GNB5: variants seen among roughly 807,000 people sequenced by gnomAD.
GNB5 encodes guanine nucleotide-binding protein subunit beta-5.
GNB5 carries 37 observed loss-of-function variants against 55.3 expected under a neutral mutation model. The ratio of observed to expected loss-of-function variants is 0.67; its 90% CI spans 0.51 to 0.88. The LOEUF (loss-of-function observed/expected upper bound fraction) is 0.88, where lower values mean the gene tolerates loss of function less well. Ranked by LOEUF, GNB5 falls within the 40% of genes least tolerant of loss-of-function variation. GNB5 has a pLI of 0.00. For missense variants in GNB5, 476 were observed against 515.3 expected (o/e 0.92, Z 0.74); for synonymous variants, 219 against 198.5 (o/e 1.10, Z -0.87).
chr15:52,170,909 C>G lies in GNB5; in HGVS notation c.238+8859G>C, dbSNP rs955073204. The stretch of plus-strand genomic sequence containing the variant: ...TCACCTGAGGTCAGGAGTTTGAGAC[C>G]AGCCTGGACAACATGGCTAAACTAT... On this transcript the variant is annotated intron_variant, in intron 3 of 12. Transcript: ENST00000261837. Among the ~76,000 whole-genome samples the G allele has an allele frequency of 6.6e-5, 10 of 151,082 alleles. No homozygotes were observed. The Admixed American group carries it at 6.7e-4, about 10-fold the overall frequency.
intron 7 of GNB5, among the ~76,000 whole-genome samples, chr15:52,139,319 G>T (rs1285138727): frequency 6.6e-6 from 1 of 152,008 alleles, no homozygotes; most frequent in East Asian, 1.9e-4. Flanking sequence ...GCGTGTGCTT[G>T]CAGACCCACT....
intron 6 of GNB5, among the ~76,000 whole-genome samples, chr15:52,146,500 A>C (rs1351184783): frequency 1.3e-5 from 2 of 152,184 alleles, no homozygotes; most frequent in Non-Finnish European, 2.9e-5. Flanking sequence ...ATTCCATTCA[A>C]TTCGTGTACC....
At chr15:52,159,045 G>T (rs1023237205) in intron 3 of GNB5, among the ~76,000 whole-genome samples, 1 of 152,200 alleles carries the variant, frequency 6.6e-6, no homozygotes, top group Non-Finnish European at 1.5e-5. Flanking sequence ...GAGGTCCTAG[G>T]TGGGTACGCT....
Position 52,117,424 on chromosome 15 carries a change from C to A in GNB5, c.*5333G>T, listed in dbSNP as rs959044968. The A allele has an allele frequency of 1.3e-5, 2 of 152,164 alleles. No homozygotes were observed. Among genetic ancestry groups the A allele is most frequent in the African/African-American group, 4.8e-5 (2 of 41,430 alleles). The allele number at this position is 152,164 out of a possible 1,614,324, so 9.4% of individuals were successfully genotyped here. A position where few individuals can be genotyped will look rare whatever the true frequency, so the allele number is the denominator to read the frequency against. ...TAAATTATTGTTAGCGATAGTCACC[C>A]TACAGTGCCGCCAAACACTAGACTC... On this transcript the variant is annotated 3_prime_UTR_variant, in exon 13 of 13. Transcript: ENST00000261837.
At chr15:52,171,080 G>A (rs2034546382) in intron 3 of GNB5, among the ~76,000 whole-genome samples, 1 of 127,930 alleles carries the variant, frequency 7.8e-6, no homozygotes, top group Non-Finnish European at 1.6e-5. Context: ...GCAATAAAGT[G>A]AGACTCTATC....
rs1253307264 is a variant in GNB5 at position 52,149,910 on chromosome 15, C to T, written c.391G>A (p.Val131Met). The change falls in exon 5 of 13, where the codon GTG becomes ATG. Residue 131 changes from valine (V) to methionine (M), a missense_variant. Physicochemically the swap from Val to Met is conservative, Grantham distance 21 (BLOSUM62 1). Coordinates refer to ENST00000261837, the MANE Select transcript of GNB5 (RefSeq NM_016194.4). ...VSSSQDGKVI[V>M]WDSFTTNKEH... Reference sequence around the variant, plus strand: ...TTGTTTGTGGTGAAGGAATCCCACACGATCACCTTCCCATCCTGGAGGGAG... The same window carrying T: ...TTGTTTGTGGTGAAGGAATCCCACATGATCACCTTCCCATCCTGGAGGGAG... 12 of 1,611,618 alleles carry T rather than the reference C, an allele frequency of 7.4e-6. No homozygotes were observed. The highest frequency in any genetic ancestry group is 6.7e-5 in the Admixed American group (4 of 59,988).
chr15:52,155,668 G>C (rs191614407), intron 3 of GNB5, among the ~76,000 whole-genome samples: 26 of 152,284 alleles, frequency 1.7e-4, no homozygotes, highest in Admixed American at 1.6e-3. Flanking sequence ...TTAGCCTCCA[G>C]TTATGTGGCT....
At chr15:52,136,157 C>CCCT (rs2033712618) in intron 7 of GNB5, among the ~76,000 whole-genome samples, 2 of 134,904 alleles carry the variant, frequency 1.5e-5, no homozygotes, top group East Asian at 2.2e-4. Flanking sequence ...CACACACACA[C>CCCT]ACACACACAC....
intron 5 of GNB5, 65 bp downstream of exon 5, chr15:52,149,819 C>A: frequency 1.7e-6 from 2 of 1,209,182 alleles, no homozygotes; most frequent in South Asian, 2.5e-5. Flanking sequence ...GCAGCTGGAC[C>A]AGAGCACCTT....
At chr15:52,175,802 G>C (rs772591117) in intron 3 of GNB5, among the ~76,000 whole-genome samples, 1 of 151,628 alleles carries the variant, frequency 6.6e-6, no homozygotes, top group Non-Finnish European at 1.5e-5. Context: ...TGTAATCCCA[G>C]CACTTTGGGA....
chr15:52,147,444 G>A lies in GNB5; in HGVS notation c.494+15C>T, dbSNP rs1384220792. ...TTAACACAAATTCTGAAAAGCTGCT[G>A]TAGCTCCAACTTACCCACAAGCAAT... On this transcript the variant is annotated intron_variant, in intron 6 of 12. Transcript: ENST00000261837. 4 of 1,478,274 alleles carry A rather than the reference G, an allele frequency of 2.7e-6. No individual in the cohort carries two copies. Among genetic ancestry groups the A allele is most frequent in the South Asian group, 1.1e-5 (1 of 88,430 alleles). The allele number at this position is 1,478,274 out of a possible 1,614,324, so 91.6% of individuals were successfully genotyped here.
At chr15:52,189,843 T>G (rs1477145876) in intron 1 of GNB5, among the ~76,000 whole-genome samples, 1 of 152,136 alleles carries the variant, frequency 6.6e-6, no homozygotes, top group Admixed American at 6.5e-5. Context: ...GATTTATTTA[T>G]ATGAAGTGTA....
intron 3 of GNB5, chr15:52,162,936 TGGA>T (rs1314080281): frequency 1.8e-4 from 28 of 152,080 alleles, no homozygotes; most frequent in Non-Finnish European, 2.6e-4. Flanking sequence ...GCAGCGCTCG[TGGA>T]GAACGGAATG....
At chr15:52,190,778 T>TAAAAAAAAAAAAAAAAAAAAAAAAAAA (rs58614125) in intron 1 of GNB5, among the ~76,000 whole-genome samples, 1 of 96,934 alleles carries the variant, frequency 1.0e-5, no homozygotes, top group African/African-American at 4.4e-5. Context: ...CTTATTTCCT[T>TAAAAAAAAAAAAAAAAAAAAAAAAAAA]AAAAAAAAAA....
intron 4 of GNB5, among the ~76,000 whole-genome samples, chr15:52,153,592 C>T (rs1056584561): frequency 6.6e-6 from 1 of 152,026 alleles, no homozygotes; most frequent in African/African-American, 2.4e-5. Context: ...TTGCTAAGCT[C>T]CTTAAATTGA....
At chr15:52,184,768 C>T in intron 1 of GNB5, 74 bp from the exon 2 acceptor site, 1 of 1,272,452 alleles carries the variant, frequency 7.9e-7, no homozygotes, top group Non-Finnish European at 1.1e-6. Context: ...TCTCTTCTTG[C>T]TTGTACCGTG....
In GNB5 at chr15:52,163,844, T is replaced by C. The variant is rs530408334; in HGVS notation, c.239-9768A>G. On this transcript the variant is annotated intron_variant, in intron 3 of 12. Coordinates refer to ENST00000261837, the MANE Select transcript of GNB5 (RefSeq NM_016194.4). Reference sequence around the variant, plus strand: ...AGCGTTCCAGCTGGCATCAGGTTGGTGCCCCTCTGGGATGGAGTCTCCAGA... The same window carrying C: ...AGCGTTCCAGCTGGCATCAGGTTGGCGCCCCTCTGGGATGGAGTCTCCAGA... 2.0e-5 allele frequency among the ~76,000 whole-genome samples: 3 copies of C among 152,290 alleles called. No individual in the cohort carries two copies. The South Asian group carries it at 6.2e-4, about 32-fold the overall frequency.
At chr15:52,170,830 G>A (rs1185677226) in intron 3 of GNB5, among the ~76,000 whole-genome samples, 7 of 151,984 alleles carry the variant, frequency 4.6e-5, no homozygotes, top group Non-Finnish European at 7.4e-5. Context: ...ATGAGGCTGG[G>A]CGTGGTGGCT....
intron 6 of GNB5, among the ~76,000 whole-genome samples, chr15:52,142,420 T>C (rs78792914): frequency 6.6e-6 from 1 of 152,224 alleles, no homozygotes; most frequent in Non-Finnish European, 1.5e-5. Context: ...TGTTTTTCTG[T>C]AATGAAAAAT....
Sources: allele counts gnomAD v4.1 joint callset (sites outside exome capture counted in the v4.1 genomes callset), GRCh38; gene constraint gnomAD v4.1.1; transcripts MANE v1.5; gene names NCBI Gene and HGNC (gene_info 2026-07-23, HGNC 2026-07-21).